RBP2: variants seen among roughly 807,000 people sequenced by gnomAD.
RBP2 encodes the protein retinol-binding protein 2.
A neutral mutation model predicts 17.0 loss-of-function variants in RBP2; 17 were observed. The observed-to-expected ratio is 1.00, with a 90% CI of 0.68 to 1.50. RBP2 has a LOEUF of 1.50. RBP2 is among the 40% of genes most tolerant of loss of function. The pLI, the probability that RBP2 is intolerant of heterozygous loss-of-function variation, is 0.00. For missense variants in RBP2, 158 were observed against 168.2 expected, an observed-to-expected ratio of 0.94 and a Z score of 0.33; for synonymous variants, 48 against 57.1, an observed-to-expected ratio of 0.84 and a Z score of 0.72.
chr3:139,455,771 G>A lies in RBP2; in HGVS notation c.253-941C>T, dbSNP rs1467005705. ...AGATGGGTGGACCTTCTGGTTCTTG[G>A]GTTCCTCCCAGCAGCAATGCCAACT... is the stretch of plus-strand genomic sequence containing the variant. On this transcript the variant is annotated intron_variant, in intron 2 of 3. Coordinates refer to ENST00000232217, the MANE Select transcript of RBP2 (RefSeq NM_004164.3). 2.0e-5 allele frequency among the ~76,000 whole-genome samples: 3 copies of A among 152,076 alleles called. No individual in the cohort carries two copies. In the South Asian group the frequency reaches 6.2e-4, roughly 32 times the overall value.
chr3:139,475,241 A>G (rs1933697172), intron 1 of RBP2, among the ~76,000 whole-genome samples: 1 of 149,356 alleles, frequency 6.7e-6, no homozygotes, highest in Middle Eastern at 3.5e-3. Context: ...AATGGCATGA[A>G]CCCGGGAGGT....
At chr3:139,455,201 T>C (rs891798448) in intron 2 of RBP2, among the ~76,000 whole-genome samples, 8 of 152,036 alleles carry the variant, frequency 5.3e-5, no homozygotes, top group African/African-American at 1.7e-4. Flanking sequence ...TGGGGGAAAA[T>C]GATAACATAT....
At chr3:139,458,168 G>T (rs994925826) in intron 2 of RBP2, among the ~76,000 whole-genome samples, 1 of 151,418 alleles carries the variant, frequency 6.6e-6, no homozygotes, top group Admixed American at 6.6e-5. Flanking sequence ...TAACTTTTCT[G>T]TAAGTTGGAA....
intron 1 of RBP2, among the ~76,000 whole-genome samples, chr3:139,464,677 AC>A (rs1194650544): frequency 6.6e-6 from 1 of 152,194 alleles, no homozygotes; most frequent in Non-Finnish European, 1.5e-5. Context: ...TAAAAAGATT[AC>A]ATACCTGTAT....
chr3:139,462,073 C>A, intron 2 of RBP2, 39 bp downstream of exon 2: 2 of 1,577,312 alleles, frequency 1.3e-6, no homozygotes, highest in Non-Finnish European at 1.7e-6. Flanking sequence ...GCCCCTGGCA[C>A]AGAATGTGTG....
intron 3 of RBP2, among the ~76,000 whole-genome samples, 182 bp downstream of exon 3, chr3:139,454,547 A>T (rs1943362231): frequency 6.6e-6 from 1 of 152,156 alleles, no homozygotes; most frequent in Admixed American, 6.5e-5. Context: ...AGCCATATAG[A>T]TTTCTTCCTG....
At position 139,472,336 on chromosome 3, in the gene RBP2, C is replaced by G. The variant is rs914454635; in HGVS notation, c.73+4051G>C. Among the ~76,000 whole-genome samples the G allele has an allele frequency of 3.3e-5, 5 of 152,248 alleles. No individual in the cohort carries two copies. In the East Asian group the frequency reaches 9.6e-4, roughly 29 times the overall value. On this transcript the variant is annotated intron_variant, in intron 1 of 3. Transcript: ENST00000232217. The stretch of plus-strand genomic sequence containing the variant: ...GCAATAACACCTCTCATCCTACATG[C>G]TGTTCTTACAATGCAACCTTGACAT...
At position 139,459,400 on chromosome 3, in the gene RBP2, ATGTG is replaced by A. The variant is rs57107462; in HGVS notation, c.252+2708_252+2711del. Among the ~76,000 whole-genome samples the A allele has an allele frequency of 1.1e-3, 147 of 128,554 alleles. 1 individual carries two copies. The South Asian group carries it at 0.024, about 21-fold the overall frequency. 84.3% of individuals were successfully genotyped at this position (128,554 alleles called of 152,430 possible). On this transcript the variant is annotated intron_variant, in intron 2 of 3. Coordinates refer to ENST00000232217, the MANE Select transcript of RBP2 (RefSeq NM_004164.3). ...GTGAAACCCTGTTTCTACTATATAT[ATGTG>A]TGTGTGTGTGTGTGTGTGTGTGTGT... is the stretch of plus-strand genomic sequence containing the variant.
rs57107462 is a variant in RBP2 at position 139,459,400 on chromosome 3, ATG to A, written c.252+2710_252+2711del. 7.8e-3 allele frequency among the ~76,000 whole-genome samples: 1,007 copies of A among 128,540 alleles called. 8 individuals carry two copies. The highest frequency in any genetic ancestry group is 0.017 in the African/African-American group (579 of 34,048). 84.3% of individuals were successfully genotyped at this position (128,540 alleles called of 152,430 possible). A position where few individuals can be genotyped will look rare whatever the true frequency, so the allele number is the denominator to read the frequency against. On this transcript the variant is annotated intron_variant, in intron 2 of 3. Coordinates refer to ENST00000232217, the MANE Select transcript of RBP2 (RefSeq NM_004164.3). ...GTGAAACCCTGTTTCTACTATATAT[ATG>A]TGTGTGTGTGTGTGTGTGTGTGTGT...
At chr3:139,463,378 G>A (rs536360250) in intron 1 of RBP2, among the ~76,000 whole-genome samples, 8 of 151,950 alleles carry the variant, frequency 5.3e-5, no homozygotes, top group Non-Finnish European at 7.4e-5. Context: ...AATAGAGATC[G>A]GTTTTCACCA....
chr3:139,455,687 C>T (rs1436562177), intron 2 of RBP2, among the ~76,000 whole-genome samples: 1 of 152,126 alleles, frequency 6.6e-6, no homozygotes, highest in Non-Finnish European at 1.5e-5. Flanking sequence ...CAGGGGAGCT[C>T]CCTAAATAAT....
intron 1 of RBP2, among the ~76,000 whole-genome samples, chr3:139,462,558 A>AACAC (rs59601422): frequency 0.068 from 8,237 of 121,290 alleles, 343 homozygotes; most frequent in Middle Eastern, 0.087. Flanking sequence ...GCAGCTCCCC[A>AACAC]ACACACACAC....
rs777637600 is a variant in RBP2 at position 139,476,486 on chromosome 3, T to C, written c.-27A>G. The C allele has an allele frequency of 1.2e-6, 2 of 1,608,530 alleles. No homozygotes were observed. Among genetic ancestry groups the C allele is most frequent in the Admixed American group, 1.7e-5 (1 of 59,950 alleles). ...GTGGTGGCCACTGGTTCGGTGAGGG[T>C]TTGTGGTGGATGGCAAGGAGCAGGC... On this transcript the variant is annotated 5_prime_UTR_variant, in exon 1 of 4. Transcript: ENST00000232217.
At chr3:139,474,220 C>A (rs1408366138) in intron 1 of RBP2, among the ~76,000 whole-genome samples, 2 of 152,116 alleles carry the variant, frequency 1.3e-5, no homozygotes, top group South Asian at 2.1e-4. Flanking sequence ...CTTGTGAGCC[C>A]CTTACTCACA....
chr3:139,469,687 G>GTCTATCTATCTA (rs543597083), intron 1 of RBP2, among the ~76,000 whole-genome samples: 1,892 of 132,958 alleles, frequency 0.014, 19 homozygotes, highest in East Asian at 0.017. Context: ...CTGTCTGTCT[G>GTCTATCTATCTA]TCTATCTATC....
At chr3:139,457,484 ATATTT>A (rs755259428) in intron 2 of RBP2, among the ~76,000 whole-genome samples, 5 of 152,318 alleles carry the variant, frequency 3.3e-5, no homozygotes, top group East Asian at 3.9e-4. Context: ...GCCTGTCCTA[ATATTT>A]TATTTTAATA....
chr3:139,464,052 C>T (rs1324870789), intron 1 of RBP2, among the ~76,000 whole-genome samples: 2 of 152,208 alleles, frequency 1.3e-5, no homozygotes, highest in Admixed American at 1.3e-4. Context: ...CAGCAGGTAG[C>T]TCAGGAAGTT....
Position 139,454,828 on chromosome 3 carries a change from T to C in RBP2, c.255A>G (p.Ala85=). 1.2e-6 allele frequency: 2 copies of C among 1,614,018 alleles called. No individual in the cohort carries two copies. Among genetic ancestry groups the C allele is most frequent in the Non-Finnish European group, 8.5e-7 (1 of 1,179,862 alleles). ...TKSLDNRHVK[A]LVTWEGDVLV... ...GGACATCACCTTCCCAGGTGACCAG[T>C]GCCTGTAAAGACAGATTCCCAGGCA... The change falls in exon 3 of 4, where the codon GCA becomes GCG. Residue 85 remains alanine (A), a splice_region_variant and synonymous_variant. Coordinates refer to ENST00000232217, the MANE Select transcript of RBP2 (RefSeq NM_004164.3).
chr3:139,461,035 C>G (rs931417082), intron 2 of RBP2, among the ~76,000 whole-genome samples: 2 of 152,186 alleles, frequency 1.3e-5, no homozygotes, highest in African/African-American at 4.8e-5. Flanking sequence ...TGGTGGAATC[C>G]TTAAATACAA....
Sources: gnomAD v4.1 joint callset for allele counts (sites outside exome capture counted in the v4.1 genomes callset) on GRCh38, gnomAD v4.1.1 for gene constraint, MANE v1.5 for transcripts, NCBI Gene and HGNC (gene_info 2026-07-23, HGNC 2026-07-21) for gene names.